The following TMEM39A variants were observed in gnomAD, a reference collection of about 807,000 sequenced individuals.
TMEM39A encodes the protein suppressor of SQST-1 aggregates in rpl-43 mutants.
Under a neutral mutation model 51.9 loss-of-function variants are expected in TMEM39A, and 19 were observed. The ratio of observed to expected loss-of-function variants is 0.37; its 90% CI spans 0.26 to 0.54. The LOEUF is 0.54. Among genes scored for constraint, TMEM39A ranks in the 20% least tolerant of loss-of-function variants. The pLI is 0.88. For missense variants in TMEM39A, 433 were observed against 590.5 expected (o/e 0.73, Z 2.76); for synonymous variants, 197 against 220.2 (o/e 0.89, Z 0.93).
intron 4 of TMEM39A, chr3:119,451,183 CT>C: frequency 8.6e-7 from 1 of 1,168,954 alleles, no homozygotes; most frequent in Non-Finnish European, 1.1e-6. Context: ...GACGTTCCTA[CT>C]GTGAAAAACA....
rs2081196343 is a variant in TMEM39A, at chr3:119,451,375, A to G, written c.420+1072T>C. 9 of 973,902 alleles carry G rather than the reference A, an allele frequency of 9.2e-6. No individual in the cohort carries two copies. The Admixed American group carries it at 2.3e-4, about 25-fold the overall frequency. The allele number at this position is 973,902 out of a possible 1,614,324, so 60.3% of individuals were successfully genotyped here. Reference sequence around the variant, plus strand: ...CTCTCAATTATTTGTGATTATAGTAACTATTCATTTAAAATTTCACACTGA... The same window carrying G: ...CTCTCAATTATTTGTGATTATAGTAGCTATTCATTTAAAATTTCACACTGA... On this transcript the variant is annotated intron_variant, in intron 4 of 8. Transcript: ENST00000319172.
chr3:119,459,250 TACAA>T (rs1230219019), intron 2 of TMEM39A, among the ~76,000 whole-genome samples: 1 of 152,238 alleles, frequency 6.6e-6, no homozygotes, highest in Admixed American at 6.5e-5. Flanking sequence ...AAACTGTTTA[TACAA>T]ACAATGTGGT....
At chr3:119,447,238 A>G (rs1046090308) in intron 4 of TMEM39A, 66 bp from the exon 5 acceptor site, 33 of 1,540,270 alleles carry the variant, frequency 2.1e-5, no homozygotes, top group Non-Finnish European at 2.9e-5. Flanking sequence ...ATTGTAATTC[A>G]AGTAAGAACT....
rs140065151 is a variant in TMEM39A, at chr3:119,437,946, G to A, written c.733C>T (p.Leu245=). 97 of 1,614,114 alleles carry A rather than the reference G, an allele frequency of 6.0e-5. No individual in the cohort carries two copies. In the African/African-American group the frequency reaches 9.9e-4, roughly 16 times the overall value. Residue 245 remains leucine, a synonymous_variant, in exon 6 of 9, where the codon CTG becomes TTG. Coordinates refer to ENST00000319172, the MANE Select transcript of TMEM39A (RefSeq NM_018266.3). ...TTAAACTGTTCTTTTAGCGACTCCAGCAACAAGGAGAGAAAGTCTTTGGAT... is the reference window on the plus strand; with the variant it reads ...TTAAACTGTTCTTTTAGCGACTCCAACAACAAGGAGAGAAAGTCTTTGGAT... ...AKSKDFLSLL[L]ESLKEQFNNA...
intron 7 of TMEM39A, chr3:119,435,762 A>G (rs576733105): frequency 9.0e-7 from 1 of 1,105,260 alleles, no homozygotes; most frequent in East Asian, 7.2e-5. Context: ...TACCAGCATT[A>G]AAGTGATGAT....
chr3:119,451,215 T>G (rs1270987563), intron 4 of TMEM39A: 2 of 1,272,704 alleles, frequency 1.6e-6, no homozygotes, highest in East Asian at 1.1e-4. Flanking sequence ...CTACCTGTGC[T>G]TTTTGGTTAA....
chr3:119,443,999 C>G (rs1230889486), intron 5 of TMEM39A, among the ~76,000 whole-genome samples: 4 of 152,180 alleles, frequency 2.6e-5, no homozygotes, highest in Admixed American at 2.6e-4. Flanking sequence ...ATTGACATGA[C>G]TCGTTTATTG....
chr3:119,453,774 T>C (rs1371102907), intron 3 of TMEM39A, among the ~76,000 whole-genome samples: 1 of 152,238 alleles, frequency 6.6e-6, no homozygotes, highest in African/African-American at 2.4e-5. Context: ...TATTTTGTTT[T>C]AGCCACCCTG....
chr3:119,461,704 A>G (rs187258673), intron 2 of TMEM39A, among the ~76,000 whole-genome samples: 2 of 152,338 alleles, frequency 1.3e-5, no homozygotes, highest in East Asian at 3.9e-4. Context: ...CTTCTAATAG[A>G]TAAAAAGGGG....
At chr3:119,462,658 G>GGGGGGGT in intron 1 of TMEM39A, among the ~76,000 whole-genome samples, 1 of 129,164 alleles carries the variant, frequency 7.7e-6, no homozygotes, top group Non-Finnish European at 1.7e-5. Context: ...GGGGGGGAGT[G>GGGGGGGT]TCCCCTGTTC....
chr3:119,434,089 C>G (rs900872997), intron 8 of TMEM39A, among the ~76,000 whole-genome samples: 1 of 152,190 alleles, frequency 6.6e-6, no homozygotes, highest in Non-Finnish European at 1.5e-5. Context: ...CAGTCCCCTG[C>G]AGGCACCTAC....
chr3:119,443,572 A>G (rs951359009), intron 5 of TMEM39A, among the ~76,000 whole-genome samples: 16 of 152,210 alleles, frequency 1.1e-4, no homozygotes, highest in African/African-American at 3.6e-4. Context: ...TTTTTTAATT[A>G]AGATATGTAC....
chr3:119,444,799 C>T (rs2081101306), intron 5 of TMEM39A, among the ~76,000 whole-genome samples: 1 of 152,104 alleles, frequency 6.6e-6, no homozygotes, highest in African/African-American at 2.4e-5. Flanking sequence ...TGCTGCTGTT[C>T]TAGAAACTAC....
chr3:119,458,339 C>T, intron 2 of TMEM39A, 99 bp from the exon 3 acceptor site: 2 of 957,996 alleles, frequency 2.1e-6, no homozygotes, highest in Non-Finnish European at 3.2e-6. Context: ...CCTTCACTGT[C>T]TGCTTTCCCC....
chr3:119,459,390 T>G (rs2081308439), intron 2 of TMEM39A, among the ~76,000 whole-genome samples: 1 of 151,974 alleles, frequency 6.6e-6, no homozygotes, highest in South Asian at 2.1e-4. Context: ...AGCAAATGGA[T>G]GAAAGAAGAA....
chr3:119,454,825 T>C (rs2081244372), intron 3 of TMEM39A, among the ~76,000 whole-genome samples: 1 of 152,154 alleles, frequency 6.6e-6, no homozygotes, highest in Non-Finnish European at 1.5e-5. Flanking sequence ...CTAATACATC[T>C]TTTTGTTAAG....
In TMEM39A at chr3:119,431,217, C is replaced by G; in HGVS notation, c.*764G>C. The G allele has an allele frequency of 6.6e-6, 1 of 152,150 alleles. No homozygotes were observed. The highest frequency in any genetic ancestry group is 1.5e-5 in the Non-Finnish European group (1 of 68,026). 9.4% of individuals were successfully genotyped at this position (152,150 alleles called of 1,614,324 possible). ...TACTCTAGCCCACATGGCATTTGCA[C>G]TCAGCTTCTCCTACTGATCCAGCCA... On this transcript the variant is annotated 3_prime_UTR_variant, in exon 9 of 9. Coordinates refer to ENST00000319172, the MANE Select transcript of TMEM39A (RefSeq NM_018266.3).
intron 5 of TMEM39A, among the ~76,000 whole-genome samples, chr3:119,441,540 C>T (rs1053849843): frequency 2.0e-5 from 3 of 152,176 alleles, no homozygotes; most frequent in Non-Finnish European, 4.4e-5. Flanking sequence ...GAGAAAGCTA[C>T]AGAAGAAACG....
chr3:119,446,328 C>T (rs190379529), intron 5 of TMEM39A, among the ~76,000 whole-genome samples: 1 of 152,286 alleles, frequency 6.6e-6, no homozygotes, highest in East Asian at 1.9e-4. Context: ...AACACAAGCC[C>T]TGTGACACCA....
Sources: allele counts gnomAD v4.1 joint callset (sites outside exome capture counted in the v4.1 genomes callset), GRCh38; gene constraint gnomAD v4.1.1; transcripts MANE v1.5; gene names NCBI Gene and HGNC (gene_info 2026-07-23, HGNC 2026-07-21).